The following CACNA2D1 variants were observed in gnomAD, a reference collection of about 807,000 sequenced individuals.
CACNA2D1 encodes the protein voltage-dependent calcium channel subunit alpha-2/delta-1.
Under a neutral mutation model 171.5 loss-of-function variants are expected in CACNA2D1, and 53 were observed. That is an observed-to-expected ratio of 0.31 (90% CI 0.25 to 0.39). The LOEUF (loss-of-function observed/expected upper bound fraction) is 0.39. Among genes scored for constraint, CACNA2D1 ranks in the 10% least tolerant of loss-of-function variants. The pLI is 1.00. For missense variants in CACNA2D1, 903 were observed against 1,299.8 expected (o/e 0.69, Z 4.69); for synonymous variants, 442 against 443.1 (o/e 1.00, Z 0.03).
At chr7:82,198,796 T>A (rs1225747708) in intron 3 of CACNA2D1, among the ~76,000 whole-genome samples, 3 of 152,074 alleles carry the variant, frequency 2.0e-5, no homozygotes, top group Non-Finnish European at 2.9e-5. Context: ...CTGCTCCAGT[T>A]AAAGCGAGAG....
intron 21 of CACNA2D1, 56 bp from the exon 22 acceptor site, chr7:81,984,767 TAAAAA>T (rs1412389000): frequency 2.2e-6 from 2 of 907,288 alleles, no homozygotes; most frequent in South Asian, 2.8e-5. Context: ...AAACATAACT[TAAAAA>T]AAAGACACAT....
At chr7:82,176,021 A>G (rs573539597) in intron 3 of CACNA2D1, among the ~76,000 whole-genome samples, 1 of 152,172 alleles carries the variant, frequency 6.6e-6, no homozygotes, top group Admixed American at 6.6e-5. Context: ...GGTAACCAAA[A>G]GCATATGCAA....
chr7:82,053,286 C>T (rs1294634762), intron 10 of CACNA2D1, among the ~76,000 whole-genome samples: 1 of 150,518 alleles, frequency 6.6e-6, no homozygotes, highest in African/African-American at 2.4e-5. Context: ...AATTACCTAT[C>T]AATTATGATT....
chr7:82,057,212 G>C (rs1015912501), intron 10 of CACNA2D1, among the ~76,000 whole-genome samples: 1 of 152,158 alleles, frequency 6.6e-6, no homozygotes, highest in Admixed American at 6.5e-5. Context: ...ATTGGTCATA[G>C]TGGGAATATT....
chr7:82,156,698 G>GT (rs1275276108), intron 4 of CACNA2D1, among the ~76,000 whole-genome samples: 8 of 132,574 alleles, frequency 6.0e-5, no homozygotes, highest in Middle Eastern at 3.8e-3. Context: ...GATATTAAAC[G>GT]TTTTTTTAAA....
At chr7:81,995,846 T>C (rs1466013541) in intron 19 of CACNA2D1, among the ~76,000 whole-genome samples, 1 of 151,464 alleles carries the variant, frequency 6.6e-6, no homozygotes, top group Non-Finnish European at 1.5e-5. Flanking sequence ...CCACTAAATA[T>C]TCCAGTCGAC....
chr7:82,048,075 G>T (rs547045609), intron 10 of CACNA2D1, among the ~76,000 whole-genome samples: 3 of 152,076 alleles, frequency 2.0e-5, no homozygotes, highest in Non-Finnish European at 4.4e-5. Flanking sequence ...GGATACATCC[G>T]CCTTTTAAGA....
intron 1 of CACNA2D1, among the ~76,000 whole-genome samples, chr7:82,362,557 T>C (rs1223414487): frequency 6.6e-6 from 1 of 152,122 alleles, no homozygotes; most frequent in Non-Finnish European, 1.5e-5. Context: ...CCTGCAGTAA[T>C]GGAGGAAAAA....
chr7:81,981,247 T>C (rs1233426821), intron 24 of CACNA2D1, among the ~76,000 whole-genome samples: 1 of 151,916 alleles, frequency 6.6e-6, no homozygotes, highest in Non-Finnish European at 1.5e-5. Context: ...GCAGAAGAAA[T>C]GAAACTCATG....
chr7:81,971,585 T>A (rs1436189145), intron 26 of CACNA2D1, among the ~76,000 whole-genome samples, 192 bp downstream of exon 26: 1 of 151,580 alleles, frequency 6.6e-6, no homozygotes, highest in South Asian at 2.1e-4. Flanking sequence ...AGTTGAGTAA[T>A]AGCAGACATT....
intron 3 of CACNA2D1, among the ~76,000 whole-genome samples, chr7:82,287,452 C>A (rs1810947921): frequency 6.6e-6 from 1 of 152,098 alleles, no homozygotes; most frequent in African/African-American, 2.4e-5. Flanking sequence ...CACATGCACC[C>A]CAATGCACAG....
intron 1 of CACNA2D1, among the ~76,000 whole-genome samples, chr7:82,359,467 C>G (rs780238488): frequency 6.6e-6 from 1 of 152,100 alleles, no homozygotes; most frequent in Non-Finnish European, 1.5e-5. Flanking sequence ...GGTGAATCTA[C>G]TTCCCCATAT....
intron 4 of CACNA2D1, among the ~76,000 whole-genome samples, chr7:82,142,435 C>T (rs1348084609): frequency 6.6e-6 from 1 of 152,104 alleles, no homozygotes; most frequent in African/African-American, 2.4e-5. Flanking sequence ...CCTTGCATGC[C>T]ACTTGCTCAC....
At chr7:82,114,173 T>C (rs1788755967) in intron 6 of CACNA2D1, among the ~76,000 whole-genome samples, 2 of 152,210 alleles carry the variant, frequency 1.3e-5, no homozygotes. Context: ...GATATATGTA[T>C]GCCTATGTAA....
intron 4 of CACNA2D1, among the ~76,000 whole-genome samples, chr7:82,164,684 C>T (rs1245062255): frequency 1.3e-5 from 2 of 151,836 alleles, no homozygotes; most frequent in East Asian, 1.9e-4. Flanking sequence ...TAAATATATG[C>T]TATTAATAAA....
intron 4 of CACNA2D1, among the ~76,000 whole-genome samples, chr7:82,158,514 T>C (rs1794604431): frequency 6.6e-6 from 1 of 151,966 alleles, no homozygotes; most frequent in Non-Finnish European, 1.5e-5. Flanking sequence ...CCAATAAAAG[T>C]TGAGTTATGT....
At chr7:82,063,403 C>T (rs765472402) in intron 9 of CACNA2D1, among the ~76,000 whole-genome samples, 6 of 152,074 alleles carry the variant, frequency 3.9e-5, no homozygotes, top group Non-Finnish European at 8.8e-5. Flanking sequence ...ATTCATTTAT[C>T]TTCTCTTTCT....
At chr7:82,103,075 A>C (rs2129038231) in intron 6 of CACNA2D1, among the ~76,000 whole-genome samples, 1 of 152,302 alleles carries the variant, frequency 6.6e-6, no homozygotes, top group South Asian at 2.1e-4. Context: ...TGGGAGGCTA[A>C]GGCAGGCGGA....
chr7:82,431,734 G>A (rs1156250974), intron 1 of CACNA2D1, among the ~76,000 whole-genome samples: 1 of 151,990 alleles, frequency 6.6e-6, no homozygotes, highest in African/African-American at 2.4e-5. Flanking sequence ...TTGCCTTGAA[G>A]GTTAGATGGA....
Sources: gnomAD v4.1 joint callset for allele counts (sites outside exome capture counted in the v4.1 genomes callset) on GRCh38, gnomAD v4.1.1 for gene constraint, MANE v1.5 for transcripts, NCBI Gene and HGNC (gene_info 2026-07-23, HGNC 2026-07-21) for gene names.